The following CEP162 variants were observed in gnomAD, a reference collection of about 807,000 sequenced individuals.
CEP162 encodes centrosomal protein 162.
Under a neutral mutation model 169.2 loss-of-function variants are expected in CEP162, and 141 were observed. The ratio of observed to expected loss-of-function variants is 0.83; its 90% CI spans 0.73 to 0.96. The LOEUF is 0.96. CEP162 is among the 40% of genes least tolerant of loss of function. The probability of loss-of-function intolerance (pLI) is 0.00; values close to 1 mark genes in which losing one functional copy is unlikely to be tolerated. For synonymous variants in CEP162, 540 were observed against 526.4 expected, an observed-to-expected ratio of 1.03 and a Z score of -0.35; for missense variants, 1,600 against 1,587.2, an observed-to-expected ratio of 1.01 and a Z score of -0.14.
At chr6:84,214,182 G>C (rs1396420036) in intron 5 of CEP162, among the ~76,000 whole-genome samples, 2 of 152,216 alleles carry the variant, frequency 1.3e-5, no homozygotes, top group African/African-American at 4.8e-5. Flanking sequence ...GGGAGGCTGA[G>C]GCAGGAGAAT....
rs2099550105 is a variant in CEP162 at position 84,212,990 on chromosome 6, GT to G, written c.537del (p.Glu179AspfsTer28). On this transcript the variant is annotated frameshift_variant, in exon 6 of 27. Coordinates refer to ENST00000403245, the MANE Select transcript of CEP162 (RefSeq NM_014895.4). LOFTEE classifies it high-confidence loss of function. ...TCTTCATGTTTCGATTCATTCTCATGTTCGTCATCAGTTAGTTCTGCGTTGG... is the reference window on the plus strand; with the variant it reads ...TCTTCATGTTTCGATTCATTCTCATGTCGTCATCAGTTAGTTCTGCGTTGG... ...NQANAELTDD[E>X]HENESKHEEL... 6.4e-7 allele frequency: 1 copy of G among 1,554,722 alleles called. No homozygotes were observed. The highest frequency in any genetic ancestry group is 1.9e-5 in the Admixed American group (1 of 53,478).
rs754931576 is a variant in CEP162, at chr6:84,175,365, T to C, written c.1664-18A>G. ...TAAGATTTCTAAATATTATAAACAA[T>C]GTATAAATGCACCACAAATGTAAAG... On this transcript the variant is annotated intron_variant, in intron 13 of 26. Transcript: ENST00000403245. 4 of 1,506,644 alleles carry C rather than the reference T, an allele frequency of 2.7e-6. No homozygotes were observed. The African/African-American group carries it at 4.2e-5, about 16-fold the overall frequency. The allele number at this position is 1,506,644 out of a possible 1,614,324, so 93.3% of individuals were successfully genotyped here.
chr6:84,170,373 C>CAAAA (rs57988482), intron 17 of CEP162, among the ~76,000 whole-genome samples: 5 of 28,350 alleles, frequency 1.8e-4, no homozygotes, highest in Admixed American at 1.1e-3. Flanking sequence ...GACTCCGTCT[C>CAAAA]AAAAAAAAAA....
chr6:84,218,666 G>A (rs958698042), intron 3 of CEP162, among the ~76,000 whole-genome samples: 18 of 152,124 alleles, frequency 1.2e-4, no homozygotes, highest in African/African-American at 3.6e-4. Context: ...AAGAAGTCAC[G>A]AATTTTGACT....
At chr6:84,126,082 C>T (rs531827221) in intron 26 of CEP162, among the ~76,000 whole-genome samples, 3 of 152,128 alleles carry the variant, frequency 2.0e-5, no homozygotes, top group Non-Finnish European at 2.9e-5. Context: ...GAATATGGAA[C>T]ACCATGCCTT....
intron 13 of CEP162, among the ~76,000 whole-genome samples, chr6:84,179,906 A>G (rs1465202937): frequency 2.0e-5 from 3 of 152,166 alleles, no homozygotes; most frequent in Non-Finnish European, 4.4e-5. Context: ...GCCAAATTCT[A>G]CCAGAGGTAC....
rs374681698 is a variant in CEP162 at position 84,152,790 on chromosome 6, C to G, written c.3384G>C (p.Glu1128Asp). The change falls in exon 23 of 27, where the codon GAG becomes GAC. Residue 1128 changes from glutamate to aspartate, a missense_variant. By Grantham distance (45) the Glu-to-Asp change is conservative. Coordinates refer to ENST00000403245, the MANE Select transcript of CEP162 (RefSeq NM_014895.4). ...TCTTTGCCCTTTTGGCAGACATTTC[C>G]TCTCTGCCCTTTGAGTTCTGATTTG... ...MLSNQNSKGREEMSAKRAKKD... is the reference protein window; with the variant it reads ...MLSNQNSKGRDEMSAKRAKKD... The G allele has an allele frequency of 6.2e-7, 1 of 1,613,356 alleles. No individual in the cohort carries two copies. Among genetic ancestry groups the G allele is most frequent in the African/African-American group, 1.3e-5 (1 of 74,894 alleles).
At chr6:84,140,752 T>C (rs949860586) in intron 25 of CEP162, among the ~76,000 whole-genome samples, 2 of 152,174 alleles carry the variant, frequency 1.3e-5, no homozygotes, top group African/African-American at 4.8e-5. Flanking sequence ...TTCAAACTCC[T>C]GGCCTTGGGA....
At chr6:84,214,725 T>C (rs944618822) in intron 5 of CEP162, among the ~76,000 whole-genome samples, 1 of 152,186 alleles carries the variant, frequency 6.6e-6, no homozygotes, top group Non-Finnish European at 1.5e-5. Flanking sequence ...AAGAATTACA[T>C]GGATAACTAA....
chr6:84,128,172 A>G (rs17185242), intron 25 of CEP162, among the ~76,000 whole-genome samples: 6,460 of 152,308 alleles, frequency 0.042, 198 homozygotes, highest in Admixed American at 0.086. Context: ...TCACCTTTCA[A>G]TGATTAAACA....
intron 6 of CEP162, among the ~76,000 whole-genome samples, chr6:84,210,690 A>T (rs2099549098): frequency 6.6e-6 from 1 of 152,218 alleles, no homozygotes; most frequent in Admixed American, 6.5e-5. Context: ...CTGAATACTA[A>T]GCTGTTAATG....
intron 10 of CEP162, among the ~76,000 whole-genome samples, chr6:84,194,515 G>A (rs538294040): frequency 8.0e-5 from 12 of 149,718 alleles, no homozygotes; most frequent in East Asian, 2.0e-4. Flanking sequence ...GAGCAGTGGC[G>A]CAATATTGGC....
At chr6:84,133,173 G>A (rs2099512339) in intron 25 of CEP162, among the ~76,000 whole-genome samples, 1 of 152,174 alleles carries the variant, frequency 6.6e-6, no homozygotes, top group Non-Finnish European at 1.5e-5. Context: ...CTGCAGAACA[G>A]CAAATATTGC....
Position 84,193,672 on chromosome 6 carries a change from T to C in CEP162, c.1046A>G (p.Glu349Gly). The change falls in exon 11 of 27, where the codon GAG becomes GGG. Residue 349 changes from glutamate (E) to glycine (G), a missense_variant. By Grantham distance (98) the Glu-to-Gly change is moderately conservative. Coordinates refer to ENST00000403245, the MANE Select transcript of CEP162 (RefSeq NM_014895.4). The part of the protein sequence containing the change: ...TMESDLPTVE[E>G]LMKPIRIDSF... Reference sequence around the variant, plus strand: ...ATCTATTCTGATAGGTTTCATCAGCTCCTCTACTGTGGGCAGATCTAAGAG... The same window carrying C: ...ATCTATTCTGATAGGTTTCATCAGCCCCTCTACTGTGGGCAGATCTAAGAG... The C allele has an allele frequency of 6.4e-7, 1 of 1,566,092 alleles. No homozygotes were observed. Among genetic ancestry groups the C allele is most frequent in the Non-Finnish European group, 8.7e-7 (1 of 1,153,884 alleles).
At chr6:84,210,824 C>A (rs1355244668) in intron 6 of CEP162, among the ~76,000 whole-genome samples, 1 of 152,048 alleles carries the variant, frequency 6.6e-6, no homozygotes, top group Non-Finnish European at 1.5e-5. Flanking sequence ...TCACTAGGGG[C>A]ATTGGGATGT....
At chr6:84,150,465 T>C (rs1407446718) in intron 23 of CEP162, among the ~76,000 whole-genome samples, 1 of 152,144 alleles carries the variant, frequency 6.6e-6, no homozygotes, top group East Asian at 1.9e-4. Context: ...AATTTATCCA[T>C]TGCTTATTTC....
intron 25 of CEP162, among the ~76,000 whole-genome samples, chr6:84,145,993 C>G (rs2099518699): frequency 6.6e-6 from 1 of 152,092 alleles, no homozygotes; most frequent in Admixed American, 6.6e-5. Flanking sequence ...GAGAGCTCAC[C>G]TGCAATATCT....
Position 84,128,666 on chromosome 6 carries a change from A to G in CEP162, c.3871-2154T>C, listed in dbSNP as rs564926008. ...TCAAATAAAATAAGGTATATAAAAC[A>G]CTTTGCACAGTTCCTAGTAAACATT... On this transcript the variant is annotated intron_variant, in intron 25 of 26. Transcript: ENST00000403245. Among the ~76,000 whole-genome samples, 6 of 152,160 alleles carry G rather than the reference A, an allele frequency of 3.9e-5. No homozygotes were observed. The South Asian group carries it at 1.2e-3, about 32-fold the overall frequency.
Position 84,185,442 on chromosome 6 carries a change from T to C in CEP162, c.1408A>G (p.Arg470Gly), listed in dbSNP as rs2099536750. 2 of 1,612,830 alleles carry C rather than the reference T, an allele frequency of 1.2e-6. No homozygotes were observed. The highest frequency in any genetic ancestry group is 1.7e-6 in the Non-Finnish European group (2 of 1,179,072). The change falls in exon 13 of 27, where the codon AGA (arginine) becomes GGA (glycine). Residue 470 changes from arginine to glycine, a missense_variant. Physicochemically the swap from Arg to Gly is moderately radical, Grantham distance 125. Coordinates refer to ENST00000403245, the MANE Select transcript of CEP162 (RefSeq NM_014895.4). ...TCTTCTTCAGAACTAAGTTGAGATC[T>C]GTAAGTCTGTACACAACAAACAAAA... ...SQDDKINKTY[R>G]SQLSSEEEGA...
Sources: gnomAD v4.1 joint callset for allele counts (sites outside exome capture counted in the v4.1 genomes callset) on GRCh38, gnomAD v4.1.1 for gene constraint, MANE v1.5 for transcripts, NCBI Gene and HGNC (gene_info 2026-07-23, HGNC 2026-07-21) for gene names.